Variants in TSPAN7 observed in about 807,000 individuals in gnomAD.
The protein encoded by TSPAN7 is tetraspanin 7.
TSPAN7 carries 1 observed loss-of-function variant against 17.6 expected under a neutral mutation model. The ratio of observed to expected loss-of-function variants is 0.06; its 90% CI spans 0.02 to 0.27. TSPAN7 has a LOEUF of 0.27. Among genes scored for constraint, TSPAN7 ranks in the 10% least tolerant of loss-of-function variants. The pLI, the probability that TSPAN7 is intolerant of heterozygous loss-of-function variation, is 1.00. For synonymous variants in TSPAN7, 78 were observed against 79.0 expected, an observed-to-expected ratio of 0.99 and a Z score of 0.07; for missense variants, 112 against 201.7, an observed-to-expected ratio of 0.56 and a Z score of 2.69.
Position 38,681,137 on chromosome X carries a change from G to A in TSPAN7, c.598-67G>A, listed in dbSNP as rs753475356. ...TTGAAGTGTATGTTGGGAGTGTTTC[G>A]AGTACACATAGCCCAGCTTGGCCTG... On this transcript the variant is annotated intron_variant, in intron 5 of 7. Transcript: ENST00000378482. 80 of 904,613 alleles carry A rather than the reference G, an allele frequency of 8.8e-5. 2 individuals are homozygous for A. In the South Asian group the frequency reaches 8.9e-4, roughly 10 times the overall value. 74.6% of individuals were successfully genotyped at this position (904,613 alleles called of 1,213,427 possible).
At chrX:38,673,960 A>T (rs1420286948) in intron 3 of TSPAN7, among the ~76,000 whole-genome samples, 1 of 111,601 alleles carries the variant, frequency 9.0e-6, no homozygotes. Flanking sequence ...AGAAATGGAC[A>T]GGCCCCTCCA....
chrX:38,660,938 T>G (rs1209451263), intron 1 of TSPAN7, among the ~76,000 whole-genome samples: 1 of 112,032 alleles, frequency 8.9e-6, no homozygotes, highest in Non-Finnish European at 1.9e-5. Context: ...GTATTAAGGA[T>G]TTAGTGAGAG....
chrX:38,600,106 T>C (rs749915487), intron 1 of TSPAN7, among the ~76,000 whole-genome samples: 43 of 111,387 alleles, frequency 3.9e-4, no homozygotes, highest in Non-Finnish European at 6.6e-4. Context: ...GAGAAGAAAA[T>C]CTCTTTTTAG....
intron 1 of TSPAN7, among the ~76,000 whole-genome samples, chrX:38,663,595 C>T (rs920121203): frequency 4.5e-5 from 5 of 112,258 alleles, no homozygotes; most frequent in Non-Finnish European, 7.5e-5. Context: ...GTGTAATTTA[C>T]ATTTTATGAC....
intron 1 of TSPAN7, chrX:38,646,331 A>G: frequency 8.7e-7 from 1 of 1,147,605 alleles, no homozygotes. Context: ...ATTTTGTTGC[A>G]GGGTTGGCTC....
At chrX:38,561,749 G>A (rs1214127457) in intron 1 of TSPAN7, 122 bp downstream of exon 1, 2 of 581,191 alleles carry the variant, frequency 3.4e-6, no homozygotes, top group South Asian at 5.8e-5. Context: ...CCCTCTTTAA[G>A]GAGACAGGCG....
intron 1 of TSPAN7, among the ~76,000 whole-genome samples, chrX:38,590,679 A>G (rs2069286189): frequency 8.9e-6 from 1 of 111,819 alleles, no homozygotes; most frequent in African/African-American, 3.2e-5. Flanking sequence ...AGTCCATTTC[A>G]TCTAGGTTAT....
intron 1 of TSPAN7, among the ~76,000 whole-genome samples, chrX:38,627,031 A>G (rs1359662292): frequency 2.7e-5 from 3 of 112,116 alleles, no homozygotes; most frequent in Non-Finnish European, 3.8e-5. Flanking sequence ...GAAAGCAAGC[A>G]GAATTGCTTA....
intron 6 of TSPAN7, among the ~76,000 whole-genome samples, chrX:38,685,915 G>T (rs2069924274): frequency 8.9e-6 from 1 of 111,820 alleles, no homozygotes; most frequent in Admixed American, 9.5e-5. Context: ...ACTGTAATCT[G>T]TTCTACCTGA....
At chrX:38,590,723 T>A (rs1344719549) in intron 1 of TSPAN7, among the ~76,000 whole-genome samples, 2 of 111,953 alleles carry the variant, frequency 1.8e-5, no homozygotes, top group Non-Finnish European at 3.8e-5. Flanking sequence ...TCTGAAAAAA[T>A]TTTTACCTTT....
chrX:38,587,696 T>G (rs752452140), intron 1 of TSPAN7, among the ~76,000 whole-genome samples: 1 of 111,479 alleles, frequency 9.0e-6, no homozygotes, highest in African/African-American at 3.3e-5. Flanking sequence ...TGGACATGAT[T>G]TGACCCCTGG....
At chrX:38,580,411 T>C (rs1370151563) in intron 1 of TSPAN7, among the ~76,000 whole-genome samples, 1 of 112,360 alleles carries the variant, frequency 8.9e-6, no homozygotes, top group Non-Finnish European at 1.9e-5. Context: ...GCTCTGTTCC[T>C]AGATGTTTTA....
chrX:38,581,887 G>A (rs1602087008), intron 1 of TSPAN7, among the ~76,000 whole-genome samples: 1 of 112,343 alleles, frequency 8.9e-6, no homozygotes, highest in East Asian at 2.8e-4. Flanking sequence ...GGAGATGCAG[G>A]GTTTACTTTT....
chrX:38,673,846 G>A (rs1021566046), intron 3 of TSPAN7, among the ~76,000 whole-genome samples: 49 of 111,189 alleles, frequency 4.4e-4, no homozygotes, highest in African/African-American at 1.5e-3. Context: ...AGCCTCCTGT[G>A]TAAGGGCAGA....
intron 1 of TSPAN7, among the ~76,000 whole-genome samples, chrX:38,660,555 G>A (rs2069737875): frequency 8.9e-6 from 1 of 112,197 alleles, no homozygotes; most frequent in Non-Finnish European, 1.9e-5. Context: ...TGGAGTTTCA[G>A]TGTCACGCAT....
chrX:38,647,600 G>T (rs772633659), intron 1 of TSPAN7, among the ~76,000 whole-genome samples: 14 of 112,492 alleles, frequency 1.2e-4, no homozygotes, highest in Admixed American at 1.0e-3. Flanking sequence ...TTGTTTGCAT[G>T]CTATTAAGAG....
At position 38,591,794 on chromosome X, in the gene TSPAN7, A is replaced by G. The variant is rs533552250; in HGVS notation, c.81+30167A>G. On this transcript the variant is annotated intron_variant, in intron 1 of 7. Coordinates refer to ENST00000378482, the MANE Select transcript of TSPAN7 (RefSeq NM_004615.4). ...ATCCATGTTAATATTCTTTCCTCTG[A>G]AATGTATTTTGTCTGATATTAACAT... is the stretch of plus-strand genomic sequence containing the variant. 5.5e-3 allele frequency among the ~76,000 whole-genome samples: 615 copies of G among 112,289 alleles called. 2 individuals carry two copies. The highest frequency in any genetic ancestry group is 9.5e-3 in the Non-Finnish European group (508 of 53,242).
At chrX:38,634,035 T>C (rs2069565703) in intron 1 of TSPAN7, among the ~76,000 whole-genome samples, 1 of 112,356 alleles carries the variant, frequency 8.9e-6, no homozygotes, top group Non-Finnish European at 1.9e-5. Context: ...AAGATAGCAC[T>C]GTTATTCTAG....
chrX:38,617,948 TG>T (rs1276051793), intron 1 of TSPAN7, among the ~76,000 whole-genome samples: 1 of 111,886 alleles, frequency 8.9e-6, no homozygotes, highest in Non-Finnish European at 1.9e-5. Context: ...AAGGACAAAA[TG>T]ATGGAGACTT....
Sources: allele counts gnomAD v4.1 joint callset (sites outside exome capture counted in the v4.1 genomes callset), GRCh38; gene constraint gnomAD v4.1.1; transcripts MANE v1.5; gene names NCBI Gene and HGNC (gene_info 2026-07-23, HGNC 2026-07-21).